FHIT: variants seen among roughly 807,000 people sequenced by gnomAD.
FHIT encodes fragile histidine triad diadenosine triphosphatase.
Under a neutral mutation model 17.9 loss-of-function variants are expected in FHIT, and 19 were observed. That is an observed-to-expected ratio of 1.06 (90% CI 0.74 to 1.56). The LOEUF (loss-of-function observed/expected upper bound fraction) is 1.56. FHIT is among the 40% of genes most tolerant of loss of function. The probability of loss-of-function intolerance (pLI) is 0.00; values close to 1 mark genes in which losing one functional copy is unlikely to be tolerated. For missense variants in FHIT, 248 were observed against 189.2 expected, an observed-to-expected ratio of 1.31 and a Z score of -1.82; for synonymous variants, 81 against 69.7, an observed-to-expected ratio of 1.16 and a Z score of -0.81.
intron 7 of FHIT, among the ~76,000 whole-genome samples, chr3:59,987,397 T>C (rs764237682): frequency 2.0e-5 from 3 of 151,758 alleles, no homozygotes; most frequent in African/African-American, 7.3e-5. Context: ...AAAGCAAATG[T>C]GTTTCTCTAA....
At chr3:60,843,106 A>G (rs1339930285) in intron 3 of FHIT, among the ~76,000 whole-genome samples, 1 of 152,184 alleles carries the variant, frequency 6.6e-6, no homozygotes, top group Non-Finnish European at 1.5e-5. Context: ...AGAAAGGAAT[A>G]CAGTTTAAAA....
intron 3 of FHIT, among the ~76,000 whole-genome samples, chr3:60,823,781 T>C (rs1321429638): frequency 6.6e-6 from 1 of 152,172 alleles, no homozygotes; most frequent in Non-Finnish European, 1.5e-5. Context: ...TGTTGCATTT[T>C]TGAGCAAGGA....
chr3:60,445,653 G>A (rs982434708), intron 5 of FHIT, among the ~76,000 whole-genome samples: 4 of 151,990 alleles, frequency 2.6e-5, no homozygotes, highest in African/African-American at 9.7e-5. Flanking sequence ...AGGGCTGAAT[G>A]TAATTTTACT....
chr3:61,190,905 G>A (rs1472992671), intron 2 of FHIT, among the ~76,000 whole-genome samples: 4 of 143,096 alleles, frequency 2.8e-5, no homozygotes, highest in Non-Finnish European at 4.5e-5. Flanking sequence ...CACAGGAAGG[G>A]GAACATCACC....
chr3:60,856,439 A>G (rs1703384884), intron 3 of FHIT: 1 of 152,120 alleles, frequency 6.6e-6, no homozygotes, highest in African/African-American at 2.4e-5. Context: ...GGAAGAAAAA[A>G]ACAATGATCA....
At chr3:60,542,341 T>C (rs975058849) in intron 4 of FHIT, among the ~76,000 whole-genome samples, 2 of 152,324 alleles carry the variant, frequency 1.3e-5, no homozygotes, top group East Asian at 1.9e-4. Context: ...CATCCCATTG[T>C]TGGGATTCAG....
chr3:59,902,389 T>C (rs1185091668), intron 8 of FHIT, among the ~76,000 whole-genome samples: 2 of 151,514 alleles, frequency 1.3e-5, no homozygotes, highest in African/African-American at 4.9e-5. Context: ...GTACAGAGTT[T>C]CCTCAAAAAT....
chr3:60,583,348 T>C (rs1327223148), intron 4 of FHIT, among the ~76,000 whole-genome samples: 1 of 151,972 alleles, frequency 6.6e-6, no homozygotes, highest in Non-Finnish European at 1.5e-5. Context: ...ACTTATTTCC[T>C]AGATCAGGGG....
intron 5 of FHIT, among the ~76,000 whole-genome samples, chr3:60,490,932 T>G (rs549640577): frequency 1.3e-5 from 2 of 152,282 alleles, no homozygotes; most frequent in South Asian, 4.1e-4. Flanking sequence ...GTCGATGCTT[T>G]GACCTTTGTG....
chr3:59,824,613 G>C (rs1236730343), intron 8 of FHIT, among the ~76,000 whole-genome samples: 1 of 152,078 alleles, frequency 6.6e-6, no homozygotes, highest in Admixed American at 6.6e-5. Flanking sequence ...CATTCCTTTT[G>C]CATTCTCACT....
intron 3 of FHIT, among the ~76,000 whole-genome samples, chr3:60,826,322 T>A: frequency 6.6e-6 from 1 of 150,652 alleles, no homozygotes; most frequent in African/African-American, 2.5e-5. Context: ...TTGTTTTGTT[T>A]TGTTTTGTTT....
intron 3 of FHIT, among the ~76,000 whole-genome samples, chr3:60,862,667 T>A (rs532494339): frequency 6.6e-6 from 1 of 151,926 alleles, no homozygotes; most frequent in Non-Finnish European, 1.5e-5. Flanking sequence ...CTGGCCAATA[T>A]GGTGAAACCC....
At chr3:60,050,960 A>G (rs1252523784) in intron 5 of FHIT, among the ~76,000 whole-genome samples, 2 of 152,204 alleles carry the variant, frequency 1.3e-5, no homozygotes, top group Non-Finnish European at 2.9e-5. Flanking sequence ...CCACTGTTTC[A>G]GGTCCTGGGC....
intron 5 of FHIT, among the ~76,000 whole-genome samples, chr3:60,106,409 C>T (rs1328192487): frequency 6.6e-6 from 1 of 152,166 alleles, no homozygotes; most frequent in African/African-American, 2.4e-5. Flanking sequence ...TAGTTTTGCT[C>T]TCACACCTCA....
chr3:60,339,760 A>G (rs1313040313), intron 5 of FHIT, among the ~76,000 whole-genome samples: 1 of 152,070 alleles, frequency 6.6e-6, no homozygotes, highest in East Asian at 1.9e-4. Flanking sequence ...ACAGAAACCA[A>G]CTCAAGCTCT....
At chr3:60,540,321 G>A (rs1355450307) in intron 4 of FHIT, among the ~76,000 whole-genome samples, 1 of 152,180 alleles carries the variant, frequency 6.6e-6, no homozygotes, top group Non-Finnish European at 1.5e-5. Context: ...GTATTTCCCT[G>A]AATTCTTTGA....
chr3:61,245,807 G>A (rs775543501), intron 1 of FHIT, among the ~76,000 whole-genome samples: 9 of 152,072 alleles, frequency 5.9e-5, no homozygotes, highest in Non-Finnish European at 8.8e-5. Flanking sequence ...CCTCAAATAC[G>A]TATTTATTTG....
intron 8 of FHIT, among the ~76,000 whole-genome samples, chr3:59,772,495 T>C (rs946059749): frequency 1.3e-5 from 2 of 152,178 alleles, no homozygotes; most frequent in African/African-American, 4.8e-5. Flanking sequence ...GGTGGCAGTG[T>C]TACTATCCCC....
intron 5 of FHIT, among the ~76,000 whole-genome samples, chr3:60,113,405 G>T (rs77216583): frequency 0.031 from 4,700 of 151,176 alleles, 329 homozygotes; most frequent in African/African-American, 0.11. Flanking sequence ...TATTTAAAAG[G>T]GGATGAGAAA....
Sources: gnomAD v4.1 joint callset for allele counts (sites outside exome capture counted in the v4.1 genomes callset) on GRCh38, gnomAD v4.1.1 for gene constraint, MANE v1.5 for transcripts, NCBI Gene and HGNC (gene_info 2026-07-23, HGNC 2026-07-21) for gene names.